The following MRPL3 variants were observed in gnomAD, a reference collection of about 807,000 sequenced individuals.
The protein encoded by MRPL3 is large ribosomal subunit protein uL3m.
In MRPL3, 43 loss-of-function variants were observed where a neutral mutation model predicts 44.3. The observed-to-expected ratio is 0.97, with a 90% confidence interval of 0.76 to 1.25. The LOEUF (loss-of-function observed/expected upper bound fraction) is 1.25. Among genes scored for constraint, MRPL3 ranks in the 50% most tolerant of loss-of-function variants. MRPL3 has a pLI of 0.00. For missense variants in MRPL3, 406 were observed against 427.6 expected (o/e 0.95, Z 0.45); for synonymous variants, 171 against 152.3 (o/e 1.12, Z -0.91).
Position 131,462,493 on chromosome 3 carries a change from C to A in MRPL3, c.*230G>T. 2.8e-6 allele frequency: 1 copy of A among 358,680 alleles called. No homozygotes were observed. 22.2% of individuals were successfully genotyped at this position (358,680 alleles called of 1,614,324 possible). A position where few individuals can be genotyped will look rare whatever the true frequency, so the allele number is the denominator to read the frequency against. On this transcript the variant is annotated 3_prime_UTR_variant, in exon 10 of 10. Coordinates refer to ENST00000264995, the MANE Select transcript of MRPL3 (RefSeq NM_007208.4). Reference sequence around the variant, plus strand: ...AAATTAAGAATATTTTGCTAATATGCCCAACACCAATTTCAGCAAATCCAA... The same window carrying A: ...AAATTAAGAATATTTTGCTAATATGACCAACACCAATTTCAGCAAATCCAA...
At chr3:131,502,217 G>A (rs903835028) in intron 1 of MRPL3, among the ~76,000 whole-genome samples, 4 of 152,332 alleles carry the variant, frequency 2.6e-5, no homozygotes, top group Admixed American at 6.5e-5. Context: ...CTTAGTGGGC[G>A]GAGGTCAGGA....
At chr3:131,465,596 G>A (rs368157958) in intron 9 of MRPL3, among the ~76,000 whole-genome samples, 10 of 152,168 alleles carry the variant, frequency 6.6e-5, no homozygotes, top group African/African-American at 2.4e-4. Context: ...AAATTAATCT[G>A]GTGTCCAGTA....
At chr3:131,480,119 T>A (rs1227554661) in intron 6 of MRPL3, among the ~76,000 whole-genome samples, 2 of 152,220 alleles carry the variant, frequency 1.3e-5, no homozygotes, top group Admixed American at 6.5e-5. Flanking sequence ...TTTTAACTCA[T>A]GATGAACTAA....
chr3:131,476,116 T>C (rs1454034320), intron 6 of MRPL3, among the ~76,000 whole-genome samples: 1 of 152,146 alleles, frequency 6.6e-6, no homozygotes, highest in African/African-American at 2.4e-5. Context: ...AGTAAATAAT[T>C]ATAAGATAAA....
intron 9 of MRPL3, among the ~76,000 whole-genome samples, chr3:131,467,807 A>G (rs1559812149): frequency 1.3e-5 from 2 of 152,132 alleles, no homozygotes; most frequent in Admixed American, 6.6e-5. Flanking sequence ...AGGATGGACT[A>G]ATACACAGCC....
At chr3:131,498,701 CAAAAAAAAAAAA>C (rs71133698) in intron 3 of MRPL3, among the ~76,000 whole-genome samples, 7 of 81,488 alleles carry the variant, frequency 8.6e-5, no homozygotes, top group Admixed American at 7.6e-4. Flanking sequence ...GACTCCGTCT[CAAAAAAAAAAAA>C]AAAAAAAAAG....
chr3:131,481,063 A>G (rs922641406), intron 6 of MRPL3, among the ~76,000 whole-genome samples: 1 of 152,214 alleles, frequency 6.6e-6, no homozygotes, highest in African/African-American at 2.4e-5. Flanking sequence ...AGATTAGAAG[A>G]AAAATATTAA....
At chr3:131,478,708 A>ATTTTTT (rs68160977) in intron 6 of MRPL3, among the ~76,000 whole-genome samples, 1 of 135,788 alleles carries the variant, frequency 7.4e-6, no homozygotes, top group Non-Finnish European at 1.6e-5. Flanking sequence ...GAAATATTCG[A>ATTTTTT]TTTTTTTTTT....
chr3:131,469,221 TAC>T (rs554635603), intron 8 of MRPL3, among the ~76,000 whole-genome samples: 6 of 150,376 alleles, frequency 4.0e-5, no homozygotes, highest in Admixed American at 2.0e-4. Context: ...TCCTTACACT[TAC>T]ACACACACAC....
At chr3:131,479,995 G>C (rs1002207743) in intron 6 of MRPL3, among the ~76,000 whole-genome samples, 3 of 152,112 alleles carry the variant, frequency 2.0e-5, no homozygotes, top group African/African-American at 4.8e-5. Context: ...AATGTTCTTA[G>C]TTTTAAAACA....
chr3:131,465,916 AAGC>A (rs1191505255), intron 9 of MRPL3, among the ~76,000 whole-genome samples: 5 of 93,666 alleles, frequency 5.3e-5, no homozygotes, highest in Non-Finnish European at 1.3e-4. Context: ...TTGTTTTTTT[AAGC>A]AAGGTCCCAC....
At position 131,502,944 on chromosome 3, in the gene MRPL3, G is replaced by T; in HGVS notation, c.-123C>A. 2 of 900,426 alleles carry T rather than the reference G, an allele frequency of 2.2e-6. No individual in the cohort carries two copies. The highest frequency in any genetic ancestry group is 2.0e-5 in the Admixed American group (1 of 48,904). The allele number at this position is 900,426 out of a possible 1,614,324, so 55.8% of individuals were successfully genotyped here. On this transcript the variant is annotated 5_prime_UTR_variant, in exon 1 of 10. Coordinates refer to ENST00000264995, the MANE Select transcript of MRPL3 (RefSeq NM_007208.4). ...TGGGGAAGTTTTCGCAATGGCCGCC[G>T]GAACGGTCGCCGGCCGATGCTCTCT...
intron 6 of MRPL3, among the ~76,000 whole-genome samples, chr3:131,473,496 T>G (rs1048600211): frequency 2.0e-5 from 3 of 151,580 alleles, no homozygotes; most frequent in African/African-American, 7.3e-5. Context: ...GCTGGGCAAG[T>G]ATTTTTAAAT....
At chr3:131,464,813 T>C (rs1933564923) in intron 9 of MRPL3, among the ~76,000 whole-genome samples, 1 of 152,214 alleles carries the variant, frequency 6.6e-6, no homozygotes, top group Admixed American at 6.5e-5. Flanking sequence ...AAGTTATTGG[T>C]AACCCTGTAC....
At position 131,496,471 on chromosome 3, in the gene MRPL3, C is replaced by T. The variant is rs189313991; in HGVS notation, c.468+1708G>A. On this transcript the variant is annotated intron_variant, in intron 4 of 9. Coordinates refer to ENST00000264995, the MANE Select transcript of MRPL3 (RefSeq NM_007208.4). The stretch of plus-strand genomic sequence containing the variant: ...ACACGAAACAAAATAAACCATGTCA[C>T]AGATTTCAGTGATTTCCACCACCAC... 5.9e-5 allele frequency among the ~76,000 whole-genome samples: 9 copies of T among 152,306 alleles called. No individual in the cohort carries two copies. The East Asian group carries it at 1.5e-3, about 26-fold the overall frequency.
intron 3 of MRPL3, among the ~76,000 whole-genome samples, chr3:131,499,423 C>G (rs1339413059): frequency 6.6e-6 from 1 of 152,174 alleles, no homozygotes; most frequent in Non-Finnish European, 1.5e-5. Context: ...CCACATAATG[C>G]TAAAGTGTTT....
intron 6 of MRPL3, among the ~76,000 whole-genome samples, chr3:131,477,135 T>C (rs554826739): frequency 6.6e-6 from 1 of 152,336 alleles, no homozygotes; most frequent in Admixed American, 6.5e-5. Context: ...ATCCATCATG[T>C]ATTTCTTTAC....
Position 131,502,969 on chromosome 3 carries a change from T to G in MRPL3, c.-148A>C. The G allele has an allele frequency of 7.9e-6, 6 of 764,064 alleles. No homozygotes were observed. 47.3% of individuals were successfully genotyped at this position (764,064 alleles called of 1,614,324 possible). On this transcript the variant is annotated 5_prime_UTR_variant, in exon 1 of 10. Transcript: ENST00000264995. ...GGAACGGTCGCCGGCCGATGCTCTCTGCGACGGAAAGAAAGCCGCCGGACC... is the reference window on the plus strand; with the variant it reads ...GGAACGGTCGCCGGCCGATGCTCTCGGCGACGGAAAGAAAGCCGCCGGACC...
At chr3:131,474,063 T>C (rs74748973) in intron 6 of MRPL3, among the ~76,000 whole-genome samples, 1,910 of 152,212 alleles carry the variant, frequency 0.013, 19 homozygotes, top group East Asian at 0.036. Flanking sequence ...GGGGTAGATA[T>C]CCAAAGGACA....
Sources: allele counts gnomAD v4.1 joint callset (sites outside exome capture counted in the v4.1 genomes callset), GRCh38; gene constraint gnomAD v4.1.1; transcripts MANE v1.5; gene names NCBI Gene and HGNC (gene_info 2026-07-23, HGNC 2026-07-21).